SDK1: variants seen among roughly 807,000 people sequenced by gnomAD.
SDK1 encodes the protein sidekick cell adhesion molecule 1, also known as protein sidekick-1.
In SDK1, 157 loss-of-function variants were observed where a neutral mutation model predicts 245.5. That is an observed-to-expected ratio of 0.64 (90% confidence interval 0.56 to 0.73). The LOEUF (loss-of-function observed/expected upper bound fraction) is 0.73. Among genes scored for constraint, SDK1 ranks in the 30% least tolerant of loss-of-function variants. The pLI, the probability that SDK1 is intolerant of heterozygous loss-of-function variation, is 0.00. For synonymous variants in SDK1, 1,647 were observed against 1,278.5 expected (o/e 1.29, Z -6.15); for missense variants, 3,583 against 3,002.3 (o/e 1.19, Z -4.52).
At chr7:3,971,366 C>T (rs559740054) in intron 11 of SDK1, 100 bp from the exon 12 acceptor site, 11 of 766,252 alleles carry the variant, frequency 1.4e-5, no homozygotes, top group Non-Finnish European at 2.5e-5. Context: ...AGAGAAAACT[C>T]GGAGGTTGTG....
At chr7:3,769,304 G>A (rs987788878) in intron 4 of SDK1, among the ~76,000 whole-genome samples, 2 of 152,146 alleles carry the variant, frequency 1.3e-5, no homozygotes, top group South Asian at 2.1e-4. Context: ...TTTGGTTAGA[G>A]CCCTTTTGTT....
At chr7:4,158,152 T>C (rs1293916657) in intron 30 of SDK1, among the ~76,000 whole-genome samples, 1 of 152,160 alleles carries the variant, frequency 6.6e-6, no homozygotes, top group Non-Finnish European at 1.5e-5. Context: ...CGCCCTGCAC[T>C]CCCTGCCCTC....
chr7:3,890,545 C>G (rs1193971855), intron 5 of SDK1, among the ~76,000 whole-genome samples: 1 of 151,896 alleles, frequency 6.6e-6, no homozygotes, highest in African/African-American at 2.4e-5. Flanking sequence ...AACCAAGCTG[C>G]TGTATGCAAT....
chr7:3,322,091 C>A (rs1779829333), intron 1 of SDK1, among the ~76,000 whole-genome samples: 1 of 151,146 alleles, frequency 6.6e-6, no homozygotes, highest in African/African-American at 2.4e-5. Flanking sequence ...TTGAATACAT[C>A]CAGAGTGCTG....
In SDK1 at chr7:3,954,190, C is replaced by A. The variant is rs993446659; in HGVS notation, c.1150+2270C>A. Among the ~76,000 whole-genome samples the A allele has an allele frequency of 6.6e-5, 10 of 151,532 alleles. No individual in the cohort carries two copies. In the East Asian group the frequency reaches 1.4e-3, roughly 21 times the overall value. ...CAGAGGTCGGCTTCCAGGCACCACC[C>A]CGCCACTGGCTGCCCAGTCCTGTGG... On this transcript the variant is annotated intron_variant, in intron 7 of 44. Transcript: ENST00000404826.
At chr7:3,636,523 A>T (rs1039321311) in intron 2 of SDK1, among the ~76,000 whole-genome samples, 1 of 152,192 alleles carries the variant, frequency 6.6e-6, no homozygotes, top group Non-Finnish European at 1.5e-5. Flanking sequence ...CATGCTATGT[A>T]GCAAATGCCA....
intron 4 of SDK1, among the ~76,000 whole-genome samples, chr7:3,647,890 G>T (rs1225808473): frequency 6.6e-6 from 1 of 152,064 alleles, no homozygotes; most frequent in Non-Finnish European, 1.5e-5. Flanking sequence ...AAAAAAATGA[G>T]AACAAACCTC....
chr7:3,790,901 G>A (rs1781061686), intron 4 of SDK1, among the ~76,000 whole-genome samples: 1 of 152,128 alleles, frequency 6.6e-6, no homozygotes, highest in Non-Finnish European at 1.5e-5. Context: ...GGGGGCAGAA[G>A]CTAAAGTGTG....
At chr7:3,905,468 T>C (rs1778867011) in intron 5 of SDK1, among the ~76,000 whole-genome samples, 1 of 152,202 alleles carries the variant, frequency 6.6e-6, no homozygotes, top group Non-Finnish European at 1.5e-5. Context: ...AGAAATCTGC[T>C]TTCAGTATAA....
At chr7:3,980,677 C>T (rs886621539) in intron 13 of SDK1, among the ~76,000 whole-genome samples, 1 of 152,236 alleles carries the variant, frequency 6.6e-6, no homozygotes, top group African/African-American at 2.4e-5. Flanking sequence ...GCCGCAGAGG[C>T]TCACGCCTGT....
At chr7:3,751,458 G>A (rs1265494370) in intron 4 of SDK1, among the ~76,000 whole-genome samples, 1 of 151,676 alleles carries the variant, frequency 6.6e-6, no homozygotes, top group East Asian at 1.9e-4. Context: ...CGGGGGGTGG[G>A]GGGAGGAGGG....
At chr7:3,416,377 C>T (rs1779365759) in intron 1 of SDK1, among the ~76,000 whole-genome samples, 2 of 152,072 alleles carry the variant, frequency 1.3e-5, no homozygotes, top group South Asian at 4.2e-4. Context: ...TAACTTCTCC[C>T]CACGGGAGAA....
At chr7:3,693,122 C>T (rs191631428) in intron 4 of SDK1, among the ~76,000 whole-genome samples, 16 of 151,794 alleles carry the variant, frequency 1.1e-4, no homozygotes, top group African/African-American at 3.9e-4. Flanking sequence ...AGACATATTT[C>T]TTAACGATAT....
At chr7:3,563,601 T>C (rs575693905) in intron 1 of SDK1, among the ~76,000 whole-genome samples, 1 of 152,318 alleles carries the variant, frequency 6.6e-6, no homozygotes, top group Admixed American at 6.5e-5. Context: ...TCAACAGTTG[T>C]AGCTGAAATT....
Position 4,077,008 on chromosome 7 carries a change from C to A in SDK1, c.3021C>A (p.Ile1007=). 6.2e-7 allele frequency: 1 copy of A among 1,613,998 alleles called. No homozygotes were observed. The highest frequency in any genetic ancestry group is 8.5e-7 in the Non-Finnish European group (1 of 1,179,978). The change falls in exon 21 of 45, where the codon ATC becomes ATA. Residue 1007 remains isoleucine, a synonymous_variant. Coordinates refer to ENST00000404826, the MANE Select transcript of SDK1 (RefSeq NM_152744.4). ...EKNGIITGYQ[I]SWEVYGRNDS... Reference sequence around the variant, plus strand: ...CCTGTTGCTTTCTAGGCTATCAGATCTCTTGGGAAGTGTACGGCAGGAACG... The same window carrying A: ...CCTGTTGCTTTCTAGGCTATCAGATATCTTGGGAAGTGTACGGCAGGAACG...
chr7:3,730,741 A>G (rs1027877055), intron 4 of SDK1, among the ~76,000 whole-genome samples: 1 of 152,178 alleles, frequency 6.6e-6, no homozygotes, highest in Admixed American at 6.5e-5. Context: ...AAATGGATCA[A>G]CAGGCAGCCA....
At chr7:3,471,994 C>T (rs962600756) in intron 1 of SDK1, among the ~76,000 whole-genome samples, 11 of 152,102 alleles carry the variant, frequency 7.2e-5, no homozygotes, top group Admixed American at 1.3e-4. Context: ...GCATTATAGT[C>T]TTGAGCATTT....
At chr7:3,352,789 A>G (rs1780694733) in intron 1 of SDK1, among the ~76,000 whole-genome samples, 1 of 150,940 alleles carries the variant, frequency 6.6e-6, no homozygotes, top group Non-Finnish European at 1.5e-5. Context: ...TTCTCTTTTC[A>G]CAAAGTTCTG....
At chr7:4,166,943 T>G (rs760305346) in intron 32 of SDK1, among the ~76,000 whole-genome samples, 15 of 152,080 alleles carry the variant, frequency 9.9e-5, no homozygotes, top group Non-Finnish European at 2.1e-4. Flanking sequence ...GAGAGAGGCT[T>G]TCCCTGCAGG....
Sources: allele counts gnomAD v4.1 joint callset (sites outside exome capture counted in the v4.1 genomes callset), GRCh38; gene constraint gnomAD v4.1.1; transcripts MANE v1.5; gene names NCBI Gene and HGNC (gene_info 2026-07-23, HGNC 2026-07-21).